CDH2: variants seen among roughly 807,000 people sequenced by gnomAD.
CDH2 encodes cadherin-2.
Under a neutral mutation model 92.0 loss-of-function variants are expected in CDH2, and 17 were observed. The observed-to-expected ratio is 0.18, with a 90% CI of 0.13 to 0.28. The LOEUF is 0.28. Ranked by LOEUF, CDH2 falls within the 10% of genes least tolerant of loss-of-function variation. The pLI is 1.00. For synonymous variants in CDH2, 419 were observed against 415.9 expected (o/e 1.01, Z -0.09); for missense variants, 862 against 1,133.1 (o/e 0.76, Z 3.44).
intron 2 of CDH2, among the ~76,000 whole-genome samples, chr18:28,119,433 G>A (rs923062240): frequency 6.6e-6 from 1 of 152,052 alleles, no homozygotes; most frequent in Admixed American, 6.6e-5. Context: ...ATCTCCATCA[G>A]TAATTGTCAT....
chr18:28,113,634 A>G (rs909782492), intron 2 of CDH2, among the ~76,000 whole-genome samples: 3 of 152,288 alleles, frequency 2.0e-5, no homozygotes, highest in African/African-American at 7.2e-5. Context: ...AGATGGGACC[A>G]AAACATTTCT....
At chr18:27,977,810 C>T (rs1437420466) in intron 14 of CDH2, among the ~76,000 whole-genome samples, 2 of 152,182 alleles carry the variant, frequency 1.3e-5, no homozygotes, top group South Asian at 2.1e-4. Flanking sequence ...TGAAGCAGAT[C>T]AGACCAGCAC....
intron 5 of CDH2, among the ~76,000 whole-genome samples, chr18:28,007,693 A>C (rs1462333130): frequency 6.6e-6 from 1 of 151,974 alleles, no homozygotes; most frequent in Non-Finnish European, 1.5e-5. Context: ...CAATTTTACA[A>C]TTAATTCTGT....
At chr18:28,049,941 A>G (rs1394410191) in intron 2 of CDH2, among the ~76,000 whole-genome samples, 2 of 152,218 alleles carry the variant, frequency 1.3e-5, no homozygotes, top group East Asian at 3.8e-4. Context: ...GTTGGTGGAT[A>G]TAACATCAGT....
chr18:27,959,757 T>A (rs1391267637), intron 15 of CDH2, among the ~76,000 whole-genome samples: 1 of 152,194 alleles, frequency 6.6e-6, no homozygotes, highest in Non-Finnish European at 1.5e-5. Context: ...TATACCTACC[T>A]CCTTAGATTT....
At chr18:28,123,484 T>G (rs773600375) in intron 2 of CDH2, among the ~76,000 whole-genome samples, 4 of 152,190 alleles carry the variant, frequency 2.6e-5, no homozygotes, top group Non-Finnish European at 5.9e-5. Context: ...TTGAATCAAA[T>G]GATTTCTGTT....
intron 2 of CDH2, among the ~76,000 whole-genome samples, chr18:28,103,418 A>G (rs1217742750): frequency 7.1e-6 from 1 of 140,654 alleles, no homozygotes; most frequent in Admixed American, 7.5e-5. Context: ...GTATATATAT[A>G]AAGTATACAT....
Position 28,003,034 on chromosome 18 carries a change from C to G in CDH2, c.983G>C (p.Gly328Ala), listed in dbSNP as rs2144009937. The change falls in exon 7 of 16, where the codon GGT becomes GCT. Residue 328 changes from glycine (G) to alanine (A), a missense_variant. Physicochemically the swap from Gly to Ala is moderately conservative, Grantham distance 60. This residue lies in a region of CDH2 where 564 missense variants were observed against 722.2 expected (regional missense o/e 0.78). Transcript: ENST00000269141. ...TCCAGCTGCCACTGTGATGATGTCA[C>G]CAGTCTCATTGTTGATTGTAAACAT... ...PNMFTINNET[G>A]DIITVAAGLD... 2 of 1,614,034 alleles carry G rather than the reference C, an allele frequency of 1.2e-6. No homozygotes were observed. The highest frequency in any genetic ancestry group is 2.2e-5 in the East Asian group (1 of 44,870).
Position 27,983,097 on chromosome 18 carries a change from T to C in CDH2, c.2210-14A>G. ...TCAGCACAAGGACTAGGTAGAAAAATAGTAAAAATACATAATATTGTCATT... is the reference window on the plus strand; with the variant it reads ...TCAGCACAAGGACTAGGTAGAAAAACAGTAAAAATACATAATATTGTCATT... On this transcript the variant is annotated splice_polypyrimidine_tract_variant and intron_variant, in intron 13 of 15. Coordinates refer to ENST00000269141, the MANE Select transcript of CDH2 (RefSeq NM_001792.5). The C allele has an allele frequency of 3.8e-6, 6 of 1,597,090 alleles. No homozygotes were observed. The highest frequency in any genetic ancestry group is 1.1e-5 in the South Asian group (1 of 88,208).
intron 2 of CDH2, among the ~76,000 whole-genome samples, chr18:28,106,473 G>GTTTTTTTT (rs34443556): frequency 1.4e-5 from 2 of 146,786 alleles, no homozygotes; most frequent in African/African-American, 5.0e-5. Context: ...ACTTACCAGA[G>GTTTTTTTT]TTTTTTTTTT....
intron 2 of CDH2, among the ~76,000 whole-genome samples, chr18:28,019,466 C>A (rs541665200): frequency 6.6e-6 from 1 of 152,080 alleles, no homozygotes; most frequent in Admixed American, 6.5e-5. Flanking sequence ...GGCACTTATT[C>A]TATTAATGTT....
intron 2 of CDH2, among the ~76,000 whole-genome samples, chr18:28,084,256 G>A (rs966755673): frequency 6.6e-6 from 1 of 152,108 alleles, no homozygotes; most frequent in Non-Finnish European, 1.5e-5. Flanking sequence ...AAATCCAACA[G>A]GGCAGAGCCT....
chr18:28,122,182 G>A (rs562606647), intron 2 of CDH2, among the ~76,000 whole-genome samples: 3 of 152,152 alleles, frequency 2.0e-5, no homozygotes, highest in African/African-American at 7.2e-5. Context: ...TATGTTTTAA[G>A]GCTTAGCTCA....
chr18:28,054,364 G>T (rs1480012917), intron 2 of CDH2, among the ~76,000 whole-genome samples: 1 of 152,138 alleles, frequency 6.6e-6, no homozygotes, highest in African/African-American at 2.4e-5. Context: ...CCTTAGGAAA[G>T]AAAAGATCAG....
At chr18:28,141,381 A>G (rs1192282604) in intron 2 of CDH2, among the ~76,000 whole-genome samples, 1 of 151,892 alleles carries the variant, frequency 6.6e-6, no homozygotes, top group Non-Finnish European at 1.5e-5. Flanking sequence ...CTTAATGACT[A>G]GAGTGTTTTC....
intron 2 of CDH2, among the ~76,000 whole-genome samples, chr18:28,048,816 A>G (rs1034902242): frequency 6.6e-6 from 1 of 152,198 alleles, no homozygotes; most frequent in Non-Finnish European, 1.5e-5. Context: ...AGCGTGAAAT[A>G]GCAGCCTGCC....
intron 2 of CDH2, among the ~76,000 whole-genome samples, chr18:28,136,969 G>A (rs1247542096): frequency 1.3e-5 from 2 of 152,028 alleles, no homozygotes; most frequent in East Asian, 3.9e-4. Context: ...CAATGCTATT[G>A]GGTTAGAAGA....
intron 6 of CDH2, among the ~76,000 whole-genome samples, chr18:27,933,344 T>C (rs1294492819): frequency 6.6e-6 from 1 of 152,196 alleles, no homozygotes; most frequent in Non-Finnish European, 1.5e-5. Context: ...CAAAATCATA[T>C]ACTCCGGCCT....
At chr18:28,043,461 AATATATATATATAT>A (rs1158754890) in intron 2 of CDH2, among the ~76,000 whole-genome samples, 2 of 71,992 alleles carry the variant, frequency 2.8e-5, no homozygotes, top group Non-Finnish European at 5.2e-5. Flanking sequence ...GATATAAATA[AATATATATATATAT>A]ATATATATAT....
Sources: gnomAD v4.1 joint callset for allele counts (sites outside exome capture counted in the v4.1 genomes callset) on GRCh38, gnomAD v4.1.1 for gene constraint, gnomAD v4.1.1 regional missense constraint, MANE v1.5 for transcripts, NCBI Gene and HGNC (gene_info 2026-07-23, HGNC 2026-07-21) for gene names.